KCNQ2: variants seen among roughly 807,000 people sequenced by gnomAD.
The protein encoded by KCNQ2 is potassium voltage-gated channel subfamily Q member 2.
In KCNQ2, 14 loss-of-function variants were observed where a neutral mutation model predicts 84.8. The observed-to-expected ratio is 0.17, with a 90% confidence interval of 0.11 to 0.26. The LOEUF (loss-of-function observed/expected upper bound fraction) is 0.26. KCNQ2 is among the 10% of genes least tolerant of loss of function. KCNQ2 has a pLI of 1.00. For missense variants in KCNQ2, 788 were observed against 1,254.0 expected (o/e 0.63, Z 5.61); for synonymous variants, 599 against 554.1 (o/e 1.08, Z -1.14).
Position 63,460,888 on chromosome 20 carries a change from G to A in KCNQ2, c.296+11280C>T, listed in dbSNP as rs1473350909. 1 of 152,280 alleles carries A rather than the reference G, an allele frequency of 6.6e-6. No individual in the cohort carries two copies. Among genetic ancestry groups the A allele is most frequent in the Non-Finnish European group, 1.5e-5 (1 of 68,068 alleles). The allele number at this position is 152,280 out of a possible 1,614,324, so 9.4% of individuals were successfully genotyped here. A position where few individuals can be genotyped will look rare whatever the true frequency, so the allele number is the denominator to read the frequency against. ...ATCCATGTCCACAGGTGGCTGGACAGGTGCTGCGGCAGCCCCAGGTCAGAG... is the reference window on the plus strand; with the variant it reads ...ATCCATGTCCACAGGTGGCTGGACAAGTGCTGCGGCAGCCCCAGGTCAGAG... On this transcript the variant is annotated intron_variant, in intron 1 of 16. Transcript: ENST00000359125. The surrounding 1 kb of genome is among the most constrained non-coding windows in gnomAD (Gnocchi z 5.4).
At chr20:63,426,656 A>T (rs919333993) in intron 10 of KCNQ2, among the ~76,000 whole-genome samples, 1 of 152,094 alleles carries the variant, frequency 6.6e-6, no homozygotes, top group Non-Finnish European at 1.5e-5. Context: ...ATCCCAGTTC[A>T]TCACTTAAAA....
Position 63,415,061 on chromosome 20 carries a change from C to A in KCNQ2, c.1367G>T (p.Gly456Val). The change falls in exon 13 of 17, where the codon GGG becomes GTG. Residue 456 changes from glycine to valine, a missense_variant. Physicochemically the swap from Gly to Val is moderately radical, Grantham distance 109. Coordinates refer to ENST00000359125, the MANE Select transcript of KCNQ2 (RefSeq NM_172107.4). ...CCTCACAGTCTGGGCCTGCGGGGAC[C>A]CCTTCCCCTTGGCAGCCACGCCTCG... Reference protein sequence around the residue: ...SPRGVAAKGKGSPQAQTVRRS... With the variant: ...SPRGVAAKGKVSPQAQTVRRS... The A allele has an allele frequency of 6.2e-7, 1 of 1,607,300 alleles. No homozygotes were observed. The highest frequency in any genetic ancestry group is 1.1e-5 in the South Asian group (1 of 91,080).
chr20:63,426,485 T>C (rs575070227), intron 10 of KCNQ2, among the ~76,000 whole-genome samples: 1 of 147,976 alleles, frequency 6.8e-6, no homozygotes, highest in East Asian at 2.0e-4. Context: ...CTTACAGCAG[T>C]TCTGCCCTGA....
At chr20:63,444,367 TCGCGG>T (rs1307577030) in intron 4 of KCNQ2, among the ~76,000 whole-genome samples, 1 of 152,104 alleles carries the variant, frequency 6.6e-6, no homozygotes, top group African/African-American at 2.4e-5. Context: ...AGCCAAGGGT[TCGCGG>T]CAGGAAGGTG....
intron 8 of KCNQ2, among the ~76,000 whole-genome samples, chr20:63,432,320 C>T (rs1373588670): frequency 5.4e-5 from 8 of 147,056 alleles, no homozygotes; most frequent in Non-Finnish European, 9.0e-5. Context: ...AAGGCTCCAC[C>T]CTCTGGGAAG....
chr20:63,411,267 G>A (rs572431768), intron 15 of KCNQ2, among the ~76,000 whole-genome samples: 18 of 152,296 alleles, frequency 1.2e-4, no homozygotes, highest in African/African-American at 4.1e-4. Context: ...ACAGAGATGC[G>A]GCTCCACCTG....
rs1179852641 is a variant in KCNQ2, at chr20:63,414,669, C to T, written c.1525+234G>A. Among the ~76,000 whole-genome samples the T allele has an allele frequency of 6.6e-6, 1 of 151,648 alleles. No individual in the cohort carries two copies. Among genetic ancestry groups the T allele is most frequent in the African/African-American group, 2.4e-5 (1 of 41,270 alleles). On this transcript the variant is annotated intron_variant, in intron 13 of 16. Coordinates refer to ENST00000359125, the MANE Select transcript of KCNQ2 (RefSeq NM_172107.4). This position sits in a 1 kb window ranked among gnomAD's most constrained non-coding sequence, Gnocchi z 6.6. ...GTGATGAGAATGTTCTGGAACTAGGCTGAGGTGGTGGTGACAACTCCACCG... is the reference window on the plus strand; with the variant it reads ...GTGATGAGAATGTTCTGGAACTAGGTTGAGGTGGTGGTGACAACTCCACCG...
intron 15 of KCNQ2, among the ~76,000 whole-genome samples, chr20:63,412,510 C>T (rs889359990): frequency 1.3e-5 from 2 of 152,196 alleles, no homozygotes; most frequent in Non-Finnish European, 2.9e-5. Context: ...CTCAGTGGCC[C>T]CTGCACAGCA....
At chr20:63,411,032 C>T (rs1262248561) in intron 15 of KCNQ2, 1 of 456,296 alleles carries the variant, frequency 2.2e-6, no homozygotes, top group Admixed American at 2.3e-5. Flanking sequence ...TCTGCCAGCT[C>T]ACGTGGAGCT....
chr20:63,421,285 C>G (rs1455832742), intron 11 of KCNQ2, among the ~76,000 whole-genome samples: 2 of 151,066 alleles, frequency 1.3e-5, no homozygotes, highest in African/African-American at 4.8e-5. Context: ...GCACCTGAGA[C>G]TCGAGAGTGA....
intron 12 of KCNQ2, among the ~76,000 whole-genome samples, 176 bp from the exon 13 acceptor site, chr20:63,415,302 C>A (rs2080256928): frequency 6.6e-6 from 1 of 150,968 alleles, no homozygotes; most frequent in Non-Finnish European, 1.5e-5. Context: ...GGACCGAGCA[C>A]CCGGCGGGAG....
At chr20:63,437,602 A>T (rs2145705507) in intron 7 of KCNQ2, among the ~76,000 whole-genome samples, 1 of 152,272 alleles carries the variant, frequency 6.6e-6, no homozygotes, top group South Asian at 2.1e-4. Context: ...TCTCCTTCTT[A>T]TAAGGATGCA....
chr20:63,445,508 C>G (rs111959185), intron 2 of KCNQ2, 144 bp from the exon 3 acceptor site: 2 of 214,604 alleles, frequency 9.3e-6, no homozygotes, highest in Admixed American at 1.7e-4. Context: ...CTGACCCCCC[C>G]ACCCCTCTCC....
chr20:63,467,602 A>C (rs1055610535), intron 1 of KCNQ2, among the ~76,000 whole-genome samples: 2 of 152,370 alleles, frequency 1.3e-5, no homozygotes, highest in African/African-American at 4.8e-5. Flanking sequence ...CTGAGTGTGC[A>C]CACAGGGGCC....
At chr20:63,415,359 GA>G (rs1163612268) in intron 12 of KCNQ2, among the ~76,000 whole-genome samples, 5 of 136,894 alleles carry the variant, frequency 3.7e-5, no homozygotes, top group South Asian at 2.4e-4. Context: ...GGGAGGGAGG[GA>G]GGGGAGGCCA....
intron 12 of KCNQ2, among the ~76,000 whole-genome samples, chr20:63,418,304 G>A (rs77602225): frequency 0.11 from 16,108 of 152,282 alleles, 935 homozygotes; most frequent in Middle Eastern, 0.17. Flanking sequence ...TTACGGGGCC[G>A]GGGCAGGCTC....
intron 5 of KCNQ2, among the ~76,000 whole-genome samples, chr20:63,441,943 G>A (rs1042096305): frequency 1.1e-4 from 16 of 152,174 alleles, no homozygotes; most frequent in Admixed American, 9.2e-4. Context: ...GCAGCCTGAG[G>A]GTGTCTGTGG....
At chr20:63,431,273 G>C in intron 9 of KCNQ2, 67 bp downstream of exon 9, 5 of 1,589,450 alleles carry the variant, frequency 3.1e-6, no homozygotes, top group Non-Finnish European at 4.3e-6. Flanking sequence ...GGCTTGCCCG[G>C]TCACAGTTCC....
At chr20:63,431,731 G>C (rs969309820) in intron 8 of KCNQ2, among the ~76,000 whole-genome samples, 1 of 152,168 alleles carries the variant, frequency 6.6e-6, no homozygotes, top group Non-Finnish European at 1.5e-5. Context: ...ACCCTGAAAA[G>C]GCAGGTAGCA....
Sources: allele counts gnomAD v4.1 joint callset (sites outside exome capture counted in the v4.1 genomes callset), GRCh38; gene constraint gnomAD v4.1.1; non-coding constraint Gnocchi (gnomAD v3.1); transcripts MANE v1.5; gene names NCBI Gene and HGNC (gene_info 2026-07-23, HGNC 2026-07-21).